Variants in CYP19A1 observed in about 807,000 individuals in gnomAD.
CYP19A1 encodes aromatase.
CYP19A1 carries 32 observed loss-of-function variants against 44.4 expected under a neutral mutation model. The ratio of observed to expected loss-of-function variants is 0.72; its 90% CI spans 0.54 to 0.97. CYP19A1 has a LOEUF of 0.97. Ranked by LOEUF, CYP19A1 falls within the 50% of genes least tolerant of loss-of-function variation. The pLI, the probability that CYP19A1 is intolerant of heterozygous loss-of-function variation, is 0.00. For synonymous variants in CYP19A1, 212 were observed against 215.6 expected (o/e 0.98, Z 0.14); for missense variants, 598 against 637.8 (o/e 0.94, Z 0.67).
In CYP19A1 at chr15:51,246,458, C is replaced by G. The variant is rs375584223; in HGVS notation, c.-38-3508G>C. On this transcript the variant is annotated intron_variant, in intron 1 of 9. Transcript: ENST00000396402. ...GCAGGGACTCTGGCCACTTGATGCA[C>G]TAGGCCTGTGTGCCTGTGCTACGTG... Among the ~76,000 whole-genome samples the G allele has an allele frequency of 6.6e-5, 10 of 152,352 alleles. No individual in the cohort carries two copies. In the South Asian group the frequency reaches 2.1e-3, roughly 32 times the overall value.
At chr15:51,326,132 A>G (rs2036605112) in intron 1 of CYP19A1, among the ~76,000 whole-genome samples, 1 of 152,222 alleles carries the variant, frequency 6.6e-6, no homozygotes, top group African/African-American at 2.4e-5. Context: ...ATTATAAGTC[A>G]GAGGTGTCTA....
Position 51,336,542 on chromosome 15 carries a change from A to T in CYP19A1, c.-39+1953T>A, listed in dbSNP as rs546548112. Among the ~76,000 whole-genome samples, 12 of 152,302 alleles carry T rather than the reference A, an allele frequency of 7.9e-5. No individual in the cohort carries two copies. The South Asian group carries it at 2.3e-3, about 29-fold the overall frequency. ...AGGGTGGTGGGGCAGTAAAACCATC[A>T]AAAGTCACAGTGTAGCTGTCAATCT... On this transcript the variant is annotated intron_variant, in intron 1 of 9. Transcript: ENST00000396402.
At chr15:51,334,297 C>A (rs1674404170) in intron 1 of CYP19A1, among the ~76,000 whole-genome samples, 1 of 152,168 alleles carries the variant, frequency 6.6e-6, no homozygotes, top group South Asian at 2.1e-4. Flanking sequence ...AACAATGTGA[C>A]CTTGGGCAGA....
chr15:51,241,598 C>A (rs1451018087), intron 2 of CYP19A1, among the ~76,000 whole-genome samples: 1 of 152,074 alleles, frequency 6.6e-6, no homozygotes, highest in Non-Finnish European at 1.5e-5. Context: ...ACCTAGAAGC[C>A]CCCTTGGGAG....
chr15:51,262,426 A>C (rs1166311829), intron 1 of CYP19A1, among the ~76,000 whole-genome samples: 1 of 152,048 alleles, frequency 6.6e-6, no homozygotes, highest in Non-Finnish European at 1.5e-5. Flanking sequence ...TCCCCAGCTG[A>C]GGTGGTCTCA....
chr15:51,308,100 A>C (rs1566921152), intron 1 of CYP19A1, among the ~76,000 whole-genome samples: 1 of 152,200 alleles, frequency 6.6e-6, no homozygotes, highest in Non-Finnish European at 1.5e-5. Context: ...TGGCAAGAAG[A>C]AGCTCTGGCT....
At chr15:51,294,862 G>T (rs1265073292) in intron 1 of CYP19A1, among the ~76,000 whole-genome samples, 2 of 152,068 alleles carry the variant, frequency 1.3e-5, no homozygotes, top group Non-Finnish European at 2.9e-5. Context: ...TGACAATGGC[G>T]GTTTTGTGGA....
intron 1 of CYP19A1, among the ~76,000 whole-genome samples, chr15:51,284,810 G>A (rs1329592599): frequency 1.3e-5 from 2 of 152,222 alleles, no homozygotes; most frequent in African/African-American, 4.8e-5. Flanking sequence ...ATAATTATAT[G>A]GGGAAGAAGA....
In CYP19A1 at chr15:51,208,453, C is replaced by A. The variant is rs2030595777; in HGVS notation, c.*2355G>T. The A allele has an allele frequency of 6.6e-6, 1 of 152,114 alleles. No individual in the cohort carries two copies. The highest frequency in any genetic ancestry group is 1.5e-5 in the Non-Finnish European group (1 of 68,018). 9.4% of individuals were successfully genotyped at this position (152,114 alleles called of 1,614,324 possible). On this transcript the variant is annotated 3_prime_UTR_variant, in exon 10 of 10. Transcript: ENST00000396402. The stretch of plus-strand genomic sequence containing the variant: ...TTTACACATTGCAGTTCTTTCAGAA[C>A]TGATGAAAATGGAATCCACAGCACA...
chr15:51,255,035 C>A (rs1174402444), intron 1 of CYP19A1, among the ~76,000 whole-genome samples: 8 of 152,070 alleles, frequency 5.3e-5, no homozygotes, highest in African/African-American at 1.9e-4. Flanking sequence ...TCCAGAACCT[C>A]AAACAGGGTC....
intron 1 of CYP19A1, among the ~76,000 whole-genome samples, chr15:51,298,302 C>G (rs1047468637): frequency 6.6e-6 from 1 of 152,236 alleles, no homozygotes; most frequent in African/African-American, 2.4e-5. Flanking sequence ...TACTCTGTGT[C>G]TGGTGCTTGT....
chr15:51,336,568 C>T (rs1282896175), intron 1 of CYP19A1, among the ~76,000 whole-genome samples: 1 of 152,152 alleles, frequency 6.6e-6, no homozygotes. Flanking sequence ...CTGTCAATCT[C>T]ATCACTGAAG....
chr15:51,225,314 A>C (rs115241944), intron 4 of CYP19A1, among the ~76,000 whole-genome samples: 18 of 152,352 alleles, frequency 1.2e-4, no homozygotes, highest in African/African-American at 3.8e-4. Flanking sequence ...GGATATTGGT[A>C]TGTGAAAGTT....
intron 1 of CYP19A1, among the ~76,000 whole-genome samples, chr15:51,311,529 GAGAA>G (rs1264939967): frequency 1.3e-5 from 2 of 152,198 alleles, no homozygotes; most frequent in African/African-American, 2.4e-5. Context: ...TAAAGGCAAG[GAGAA>G]AGAGATTGTT....
At position 51,210,387 on chromosome 15, in the gene CYP19A1, C is replaced by A; in HGVS notation, c.*421G>T. 2.0e-6 allele frequency: 1 copy of A among 501,996 alleles called. No homozygotes were observed. The highest frequency in any genetic ancestry group is 3.9e-6 in the Non-Finnish European group (1 of 254,948). The allele number at this position is 501,996 out of a possible 1,614,324, so 31.1% of individuals were successfully genotyped here. On this transcript the variant is annotated 3_prime_UTR_variant, in exon 10 of 10. Coordinates refer to ENST00000396402, the MANE Select transcript of CYP19A1 (RefSeq NM_000103.4). ...AGCAGGTGGGTTTGGCCCCAGGTAC[C>A]CTGACATTGGCCTGGTCTTTCTAAT...
intron 1 of CYP19A1, among the ~76,000 whole-genome samples, chr15:51,264,552 G>A (rs2140941311): frequency 6.6e-6 from 1 of 152,298 alleles, no homozygotes; most frequent in African/African-American, 2.4e-5. Context: ...ACTAACACCA[G>A]CTCCCAGCAC....
At chr15:51,263,250 T>C (rs954773403) in intron 1 of CYP19A1, among the ~76,000 whole-genome samples, 8 of 152,132 alleles carry the variant, frequency 5.3e-5, no homozygotes, top group African/African-American at 1.9e-4. Flanking sequence ...AAGGAAGATA[T>C]GGTTAACTGT....
At chr15:51,220,022 G>A (rs752376103) in intron 5 of CYP19A1, among the ~76,000 whole-genome samples, 14 of 152,150 alleles carry the variant, frequency 9.2e-5, no homozygotes, top group Non-Finnish European at 2.1e-4. Context: ...GGGGAGATGC[G>A]GCAATAGGGA....
Position 51,215,741 on chromosome 15 carries a change from C to T in CYP19A1, c.820G>A (p.Glu274Lys), listed in dbSNP as rs764710550. The change falls in exon 7 of 10, where the codon GAA becomes AAA. Residue 274 changes from glutamate (E) to lysine (K), a missense_variant. Glu to Lys is a moderately conservative substitution (Grantham distance 56, BLOSUM62 1). Coordinates refer to ENST00000396402, the MANE Select transcript of CYP19A1 (RefSeq NM_000103.4). Reference sequence around the variant, plus strand: ...AACTCAGTGGCAAAGTCCATACATTCTTCCAGTTTCTCTTCTGTGGAAATC... The same window carrying T: ...AACTCAGTGGCAAAGTCCATACATTTTTCCAGTTTCTCTTCTGTGGAAATC... ...RRISTEEKLEECMDFATELIL... is the reference protein window; with the variant it reads ...RRISTEEKLEKCMDFATELIL... The T allele has an allele frequency of 6.2e-7, 1 of 1,614,048 alleles. No individual in the cohort carries two copies.
Sources: allele counts gnomAD v4.1 joint callset (sites outside exome capture counted in the v4.1 genomes callset), GRCh38; gene constraint gnomAD v4.1.1; transcripts MANE v1.5; gene names NCBI Gene and HGNC (gene_info 2026-07-23, HGNC 2026-07-21).